Variants in HS3ST4 observed in about 807,000 individuals in gnomAD.
The protein encoded by HS3ST4 is heparan sulfate-glucosamine 3-sulfotransferase 4.
Under a neutral mutation model 29.2 loss-of-function variants are expected in HS3ST4, and 17 were observed. That is an observed-to-expected ratio of 0.58 (90% confidence interval 0.40 to 0.87). The LOEUF is 0.87. HS3ST4 is among the 40% of genes least tolerant of loss of function. The pLI, the probability that HS3ST4 is intolerant of heterozygous loss-of-function variation, is 0.00. For missense variants in HS3ST4, 627 were observed against 634.5 expected (o/e 0.99, Z 0.13); for synonymous variants, 314 against 285.7 (o/e 1.10, Z -1.00).
intron 1 of HS3ST4, among the ~76,000 whole-genome samples, chr16:26,069,088 A>G (rs1445740267): frequency 6.6e-6 from 1 of 152,174 alleles, no homozygotes. Flanking sequence ...GATAGCTGGG[A>G]CTACAGGCAC....
chr16:25,726,790 A>T (rs1327199033), intron 1 of HS3ST4, among the ~76,000 whole-genome samples: 2 of 152,232 alleles, frequency 1.3e-5, no homozygotes, highest in African/African-American at 4.8e-5. Context: ...ATTGTGTCTA[A>T]ATTGTATTAT....
intron 1 of HS3ST4, among the ~76,000 whole-genome samples, chr16:25,810,501 T>C (rs952313208): frequency 1.3e-5 from 2 of 152,196 alleles, no homozygotes; most frequent in African/African-American, 4.8e-5. Flanking sequence ...TGAGCTCTAC[T>C]TCTCTGTTGC....
chr16:25,887,801 C>T (rs1967970056), intron 1 of HS3ST4, among the ~76,000 whole-genome samples: 1 of 151,088 alleles, frequency 6.6e-6, no homozygotes, highest in South Asian at 2.1e-4. Context: ...AGGTTCACGC[C>T]ATTCTCCTGC....
chr16:25,749,791 C>T (rs1031593989), intron 1 of HS3ST4, among the ~76,000 whole-genome samples: 2 of 152,058 alleles, frequency 1.3e-5, no homozygotes, highest in Non-Finnish European at 2.9e-5. Flanking sequence ...TTTTTATTAT[C>T]GTTTTATTTT....
At position 26,136,474 on chromosome 16, in the gene HS3ST4, C is replaced by G; in HGVS notation, c.*226C>G. 1.7e-6 allele frequency: 1 copy of G among 573,296 alleles called. No homozygotes were observed. The highest frequency in any genetic ancestry group is 2.9e-5 in the East Asian group (1 of 34,520). The allele number at this position is 573,296 out of a possible 1,614,324, so 35.5% of individuals were successfully genotyped here. On this transcript the variant is annotated 3_prime_UTR_variant, in exon 2 of 2. Transcript: ENST00000331351. ...CATCTGGGCAGCAGCATCTGGTTGA[C>G]CAGATGGCCACCAGAACCCACTGTT... is the stretch of plus-strand genomic sequence containing the variant.
intron 1 of HS3ST4, among the ~76,000 whole-genome samples, chr16:25,694,809 G>A (rs909463515): frequency 3.3e-5 from 5 of 150,892 alleles, no homozygotes; most frequent in African/African-American, 1.2e-4. Context: ...TATGAGAATT[G>A]TCAAATGCCC....
chr16:25,702,763 C>A (rs985438171), intron 1 of HS3ST4, among the ~76,000 whole-genome samples: 5 of 152,118 alleles, frequency 3.3e-5, no homozygotes, highest in African/African-American at 1.2e-4. Flanking sequence ...GATTCATAAA[C>A]TATTATAATC....
chr16:26,075,296 G>GGTT (rs1349553699), intron 1 of HS3ST4, among the ~76,000 whole-genome samples: 4 of 152,118 alleles, frequency 2.6e-5, no homozygotes, highest in African/African-American at 9.7e-5. Context: ...CCTCCTGGGT[G>GGTT]GTTGCAAAGC....
intron 1 of HS3ST4, among the ~76,000 whole-genome samples, chr16:25,948,804 C>CT (rs1968655592): frequency 6.6e-6 from 1 of 152,188 alleles, no homozygotes; most frequent in Non-Finnish European, 1.5e-5. Context: ...CTACGGAGCA[C>CT]TTACACTCAC....
chr16:26,037,493 A>G (rs911748449), intron 1 of HS3ST4, among the ~76,000 whole-genome samples: 1 of 152,350 alleles, frequency 6.6e-6, no homozygotes, highest in South Asian at 2.1e-4. Context: ...GGGAGTAGGA[A>G]GAGAAGTGGA....
chr16:25,919,601 C>T (rs904287948), intron 1 of HS3ST4, among the ~76,000 whole-genome samples: 6 of 152,038 alleles, frequency 3.9e-5, no homozygotes, highest in African/African-American at 1.4e-4. Flanking sequence ...GAAAAGATGT[C>T]CAGGCCTGAG....
chr16:25,762,425 A>T (rs1186630138), intron 1 of HS3ST4, among the ~76,000 whole-genome samples: 1 of 152,164 alleles, frequency 6.6e-6, no homozygotes, highest in Non-Finnish European at 1.5e-5. Context: ...AAAGAACCAG[A>T]ACATCTTGTT....
intron 1 of HS3ST4, among the ~76,000 whole-genome samples, chr16:26,129,418 G>A (rs1252756949): frequency 1.3e-5 from 2 of 152,206 alleles, no homozygotes; most frequent in African/African-American, 2.4e-5. Context: ...ATTGAATTCC[G>A]ACTCCACCTC....
chr16:26,029,040 G>A (rs753162631), intron 1 of HS3ST4: 9 of 152,370 alleles, frequency 5.9e-5, no homozygotes, highest in Admixed American at 2.6e-4. Flanking sequence ...GGTTTCGGTC[G>A]TGGGACTCCA....
chr16:25,891,119 C>A (rs1305145954), intron 1 of HS3ST4, among the ~76,000 whole-genome samples: 2 of 152,080 alleles, frequency 1.3e-5, no homozygotes, highest in African/African-American at 4.8e-5. Context: ...ACTCAGAAAG[C>A]CCAATAAGAA....
chr16:26,035,757 T>C (rs1195262355), intron 1 of HS3ST4, among the ~76,000 whole-genome samples: 1 of 152,194 alleles, frequency 6.6e-6, no homozygotes, highest in Admixed American at 6.5e-5. Context: ...AGGAATGTTT[T>C]CCAAATGCGC....
At position 25,752,034 on chromosome 16, in the gene HS3ST4, T is replaced by C. The variant is rs549245991; in HGVS notation, c.734+58883T>C. ...CTCATCCTGAGATTAAACCTGGGAC[T>C]GTCTGAAAGCTTTCAAACTGGAGAA... On this transcript the variant is annotated intron_variant, in intron 1 of 1. Coordinates refer to ENST00000331351, the MANE Select transcript of HS3ST4 (RefSeq NM_006040.3). 6.6e-5 allele frequency among the ~76,000 whole-genome samples: 10 copies of C among 152,286 alleles called. No individual in the cohort carries two copies. In the South Asian group the frequency reaches 2.1e-3, roughly 32 times the overall value.
At chr16:26,030,348 G>A (rs1050638670) in intron 1 of HS3ST4, among the ~76,000 whole-genome samples, 1 of 152,218 alleles carries the variant, frequency 6.6e-6, no homozygotes, top group Non-Finnish European at 1.5e-5. Context: ...AGAGGCTGCA[G>A]TGAGCTATGA....
chr16:26,016,293 T>A (rs1307545187), intron 1 of HS3ST4, among the ~76,000 whole-genome samples: 1 of 152,220 alleles, frequency 6.6e-6, no homozygotes, highest in East Asian at 1.9e-4. Context: ...TTGTCTACCC[T>A]GACACAGTCT....
Sources: gnomAD v4.1 joint callset for allele counts (sites outside exome capture counted in the v4.1 genomes callset) on GRCh38, gnomAD v4.1.1 for gene constraint, MANE v1.5 for transcripts, NCBI Gene and HGNC (gene_info 2026-07-23, HGNC 2026-07-21) for gene names.